Variants in ETNK2 observed in about 807,000 individuals in gnomAD.
ETNK2 encodes ethanolamine kinase 2.
ETNK2 carries 33 observed loss-of-function variants against 46.2 expected under a neutral mutation model. The observed-to-expected ratio is 0.71, with a 90% CI of 0.54 to 0.96. The LOEUF is 0.96. Among genes scored for constraint, ETNK2 ranks in the 40% least tolerant of loss-of-function variants. The pLI is 0.00. For synonymous variants in ETNK2, 194 were observed against 209.0 expected, an observed-to-expected ratio of 0.93 and a Z score of 0.62; for missense variants, 445 against 509.7, an observed-to-expected ratio of 0.87 and a Z score of 1.22.
At position 204,140,018 on chromosome 1, in the gene ETNK2, A is replaced by G; in HGVS notation, c.868+17T>C. The G allele has an allele frequency of 1.9e-6, 3 of 1,610,092 alleles. No homozygotes were observed. The highest frequency in any genetic ancestry group is 2.6e-6 in the Non-Finnish European group (3 of 1,176,324). On this transcript the variant is annotated intron_variant, in intron 5 of 7. Coordinates refer to ENST00000367202, the MANE Select transcript of ETNK2 (RefSeq NM_018208.4). ...ACACCGCTACAAAGCACATGACTGT[A>G]GAAATGCCCCTCTCACCTGCAAACT...
chr1:204,143,513 G>A (rs758887847), intron 3 of ETNK2, among the ~76,000 whole-genome samples: 6 of 152,080 alleles, frequency 3.9e-5, no homozygotes, highest in African/African-American at 7.2e-5. Flanking sequence ...CCGCCACCAC[G>A]GGGCTCTTTC....
intron 7 of ETNK2, 106 bp from the exon 8 acceptor site, chr1:204,132,362 C>A: frequency 1.3e-6 from 1 of 775,952 alleles, no homozygotes; most frequent in South Asian, 1.5e-5. Context: ...CTAGGCCTAT[C>A]TAAGTCTGAG....
intron 3 of ETNK2, among the ~76,000 whole-genome samples, chr1:204,144,215 G>A (rs1487075917): frequency 6.6e-6 from 1 of 151,596 alleles, no homozygotes; most frequent in Non-Finnish European, 1.5e-5. Context: ...GCGTGGTGGT[G>A]GGCACCAGTA....
At chr1:204,137,700 T>C (rs1160179935) in intron 5 of ETNK2, among the ~76,000 whole-genome samples, 1 of 152,170 alleles carries the variant, frequency 6.6e-6, no homozygotes, top group African/African-American at 2.4e-5. Context: ...ATTTCTTCAT[T>C]TATCAAATGA....
Position 204,132,105 on chromosome 1 carries a change from T to C in ETNK2, c.*79A>G. 1 of 1,158,124 alleles carries C rather than the reference T, an allele frequency of 8.6e-7. No homozygotes were observed. Among genetic ancestry groups the C allele is most frequent in the Non-Finnish European group, 1.3e-6 (1 of 789,484 alleles). 71.7% of individuals were successfully genotyped at this position (1,158,124 alleles called of 1,614,324 possible). Reference sequence around the variant, plus strand: ...CCCTCTCCCACCCTGTCCAAGGGTGTGGATCCCAGAGTGCAGAATTGAGCT... The same window carrying C: ...CCCTCTCCCACCCTGTCCAAGGGTGCGGATCCCAGAGTGCAGAATTGAGCT... On this transcript the variant is annotated 3_prime_UTR_variant, in exon 8 of 8. Transcript: ENST00000367202.
intron 2 of ETNK2, among the ~76,000 whole-genome samples, chr1:204,147,985 A>G (rs1455173595): frequency 6.6e-6 from 1 of 152,230 alleles, no homozygotes; most frequent in Admixed American, 6.5e-5. Context: ...GGAACAGAGC[A>G]TGAACAGAGC....
At chr1:204,150,021 C>T in intron 1 of ETNK2, 59 bp from the exon 2 acceptor site, 1 of 1,498,914 alleles carries the variant, frequency 6.7e-7, no homozygotes, top group Non-Finnish European at 9.0e-7. Flanking sequence ...TCTCTGGTCT[C>T]TCTCCTGGGC....
chr1:204,145,987 G>A (rs186391825), intron 3 of ETNK2, among the ~76,000 whole-genome samples: 63 of 152,264 alleles, frequency 4.1e-4, no homozygotes, highest in African/African-American at 1.3e-3. Context: ...AGGGAACCCT[G>A]TCTTATCAGG....
chr1:204,151,346 G>A lies in ETNK2; in HGVS notation c.258+249C>T. On this transcript the variant is annotated intron_variant, in intron 1 of 7. Coordinates refer to ENST00000367202, the MANE Select transcript of ETNK2 (RefSeq NM_018208.4). The surrounding 1 kb of genome is among the most constrained non-coding windows in gnomAD (Gnocchi z 8.0). The stretch of plus-strand genomic sequence containing the variant: ...CCCGCACACGCAGCATGCCGACAGT[G>A]GGCAGGTGGCCACCAGGCGTGCCTA... 1.7e-6 allele frequency: 1 copy of A among 574,616 alleles called. No individual in the cohort carries two copies. The allele number at this position is 574,616 out of a possible 1,614,324, so 35.6% of individuals were successfully genotyped here. A position where few individuals can be genotyped will look rare whatever the true frequency, so the allele number is the denominator to read the frequency against.
chr1:204,137,549 C>T (rs907606665), intron 5 of ETNK2, among the ~76,000 whole-genome samples: 7 of 152,148 alleles, frequency 4.6e-5, no homozygotes, highest in African/African-American at 1.7e-4. Flanking sequence ...CAAGACAGCA[C>T]CACTGTCTTT....
chr1:204,133,219 G>T (rs1657139252), intron 7 of ETNK2, among the ~76,000 whole-genome samples: 2 of 151,968 alleles, frequency 1.3e-5, no homozygotes, highest in Admixed American at 6.6e-5. Context: ...ATGAACATAG[G>T]TATATAAATA....
intron 5 of ETNK2, 84 bp downstream of exon 5, chr1:204,139,951 C>T: frequency 9.1e-7 from 1 of 1,102,048 alleles, no homozygotes; most frequent in African/African-American, 1.5e-5. Flanking sequence ...ATACAGTAAT[C>T]TCATAGGACC....
At chr1:204,132,422 T>A (rs975859122) in intron 7 of ETNK2, among the ~76,000 whole-genome samples, 166 bp from the exon 8 acceptor site, 11 of 152,284 alleles carry the variant, frequency 7.2e-5, no homozygotes, top group African/African-American at 2.2e-4. Context: ...CTTTTGCTTC[T>A]TTTTAAAATT....
chr1:204,144,368 A>AAAAAAAAAAAAAAAAAAAAC (rs1657696111), intron 3 of ETNK2, among the ~76,000 whole-genome samples: 2 of 149,602 alleles, frequency 1.3e-5, no homozygotes, highest in African/African-American at 2.5e-5. Flanking sequence ...AAAAAAAAAA[A>AAAAAAAAAAAAAAAAAAAAC]AGCCATTTCC....
At chr1:204,139,023 G>A (rs1423794061) in intron 5 of ETNK2, 2 of 152,176 alleles carry the variant, frequency 1.3e-5, no homozygotes, top group African/African-American at 4.8e-5. Flanking sequence ...ATATGTGTGT[G>A]TGTGTGTCTC....
chr1:204,135,811 T>C (rs958942161), intron 6 of ETNK2, among the ~76,000 whole-genome samples: 1 of 152,224 alleles, frequency 6.6e-6, no homozygotes, highest in Admixed American at 6.5e-5. Flanking sequence ...GTAAAGATTG[T>C]ATTTAGCTCT....
intron 2 of ETNK2, among the ~76,000 whole-genome samples, chr1:204,149,453 C>T (rs1002924449): frequency 1.2e-4 from 19 of 152,340 alleles, no homozygotes; most frequent in African/African-American, 3.6e-4. Flanking sequence ...CTCTGCCGCA[C>T]TTAGGGAACC....
rs578224625 is a variant in ETNK2 at position 204,132,317 on chromosome 1, G to A, written c.1089-61C>T. ...AGAAAGCCAGGTGGGCCCTGCTGGG[G>A]GTGCTGACATCATGAGAAAAGTTTT... On this transcript the variant is annotated intron_variant, in intron 7 of 7. Coordinates refer to ENST00000367202, the MANE Select transcript of ETNK2 (RefSeq NM_018208.4). 77 of 1,360,438 alleles carry A rather than the reference G, an allele frequency of 5.7e-5. 1 individual carries two copies. In the South Asian group the frequency reaches 8.6e-4, roughly 15 times the overall value. 84.3% of individuals were successfully genotyped at this position (1,360,438 alleles called of 1,614,324 possible). A position where few individuals can be genotyped will look rare whatever the true frequency, so the allele number is the denominator to read the frequency against.
chr1:204,144,480 C>T (rs1657702281), intron 3 of ETNK2, among the ~76,000 whole-genome samples: 1 of 151,250 alleles, frequency 6.6e-6, no homozygotes, highest in Non-Finnish European at 1.5e-5. Context: ...ATCTTGTTCA[C>T]TTAATTACAT....
Sources: gnomAD v4.1 joint callset for allele counts (sites outside exome capture counted in the v4.1 genomes callset) on GRCh38, gnomAD v4.1.1 for gene constraint, Gnocchi (gnomAD v3.1) non-coding constraint, MANE v1.5 for transcripts, NCBI Gene and HGNC (gene_info 2026-07-23, HGNC 2026-07-21) for gene names.